The following SMG6 variants were observed in gnomAD, a reference collection of about 807,000 sequenced individuals.
SMG6 encodes the protein telomerase-binding protein EST1A.
Under a neutral mutation model 142.2 loss-of-function variants are expected in SMG6, and 66 were observed. That is an observed-to-expected ratio of 0.46 (90% CI 0.38 to 0.57). The LOEUF is 0.57. Among genes scored for constraint, SMG6 ranks in the 20% least tolerant of loss-of-function variants. SMG6 has a pLI of 0.00. For missense variants in SMG6, 1,793 were observed against 1,832.0 expected (o/e 0.98, Z 0.39); for synonymous variants, 779 against 702.4 (o/e 1.11, Z -1.72).
At chr17:2,259,673 CAAAAAAAAA>C (rs11289865) in intron 8 of SMG6, among the ~76,000 whole-genome samples, 1 of 86,178 alleles carries the variant, frequency 1.2e-5, no homozygotes, top group Non-Finnish European at 2.3e-5. Flanking sequence ...ACCCTGTCTC[CAAAAAAAAA>C]AAAAAAAAAA....
chr17:2,153,515 T>C (rs1401799941), intron 13 of SMG6, among the ~76,000 whole-genome samples: 3 of 152,278 alleles, frequency 2.0e-5, no homozygotes, highest in African/African-American at 7.2e-5. Flanking sequence ...CCGCCCATCT[T>C]GGTTGCTAAG....
chr17:2,232,088 G>GA (rs2073512790), intron 10 of SMG6, among the ~76,000 whole-genome samples: 1 of 150,124 alleles, frequency 6.7e-6, no homozygotes, highest in Non-Finnish European at 1.5e-5. Flanking sequence ...GAGGGGGAGA[G>GA]AAAATGAAGG....
chr17:2,232,332 A>G (rs976684288), intron 10 of SMG6, among the ~76,000 whole-genome samples: 5 of 152,206 alleles, frequency 3.3e-5, no homozygotes, highest in Admixed American at 6.5e-5. Flanking sequence ...CCGAAGTGTT[A>G]AATACGGAGG....
At chr17:2,117,168 C>G (rs1009883112) in intron 13 of SMG6, among the ~76,000 whole-genome samples, 2 of 150,564 alleles carry the variant, frequency 1.3e-5, no homozygotes, top group African/African-American at 4.9e-5. Context: ...GAACATGGCT[C>G]ACTGCAGCCT....
chr17:2,275,408 C>T (rs920191225), intron 8 of SMG6, among the ~76,000 whole-genome samples: 19 of 152,188 alleles, frequency 1.2e-4, no homozygotes, highest in African/African-American at 3.9e-4. Flanking sequence ...GGAGACAGAG[C>T]GAGACTCTGT....
chr17:2,144,366 C>T (rs1368302837), intron 13 of SMG6, among the ~76,000 whole-genome samples: 3 of 151,994 alleles, frequency 2.0e-5, no homozygotes, highest in African/African-American at 7.2e-5. Flanking sequence ...GGCGCCTGGC[C>T]ATTAATTTTT....
intron 13 of SMG6, among the ~76,000 whole-genome samples, chr17:2,123,002 G>T (rs1401719405): frequency 6.6e-6 from 1 of 152,246 alleles, no homozygotes; most frequent in African/African-American, 2.4e-5. Flanking sequence ...CTTCTTCCCT[G>T]CTGGATGATG....
intron 9 of SMG6, chr17:2,237,639 A>T (rs2073701035): frequency 2.4e-6 from 2 of 838,156 alleles, no homozygotes; most frequent in African/African-American, 1.8e-5. Context: ...ATACAGGAAG[A>T]GGCTGTAACG....
intron 13 of SMG6, among the ~76,000 whole-genome samples, chr17:2,099,689 G>A (rs1057155133): frequency 3.3e-5 from 5 of 152,098 alleles, no homozygotes; most frequent in African/African-American, 9.7e-5. Context: ...TAACGAAAAC[G>A]AACTAGCCTA....
intron 6 of SMG6, among the ~76,000 whole-genome samples, chr17:2,285,641 C>T (rs2074888066): frequency 6.6e-6 from 1 of 152,220 alleles, no homozygotes; most frequent in Middle Eastern, 3.4e-3. Flanking sequence ...GAGTTCAGGA[C>T]CAGCCTTGGC....
intron 8 of SMG6, among the ~76,000 whole-genome samples, chr17:2,247,922 T>A (rs1166577916): frequency 6.6e-6 from 1 of 151,678 alleles, no homozygotes; most frequent in Non-Finnish European, 1.5e-5. Context: ...TGAAACCCAG[T>A]ATCTGTTAAA....
At chr17:2,237,538 G>A (rs537353704) in intron 9 of SMG6, 40 of 985,370 alleles carry the variant, frequency 4.1e-5, no homozygotes, top group African/African-American at 2.4e-4. Context: ...GTGTGTTGCC[G>A]TCCTCCTCCC....
chr17:2,297,367 AAAAG>A lies in SMG6; in HGVS notation c.2041-18_2041-15del. ...GAAGTCACTACCCTATAAAAAGAAA[AAAAG>A]AAATGACTGAATCAATCTATTCTAA... On this transcript the variant is annotated splice_polypyrimidine_tract_variant and intron_variant, in intron 3 of 18. Transcript: ENST00000263073. The A allele has an allele frequency of 6.3e-7, 1 of 1,578,400 alleles. No homozygotes were observed. Among genetic ancestry groups the A allele is most frequent in the Non-Finnish European group, 8.6e-7 (1 of 1,160,060 alleles).
chr17:2,205,756 T>C (rs1343573017), intron 10 of SMG6, among the ~76,000 whole-genome samples: 3 of 152,306 alleles, frequency 2.0e-5, no homozygotes, highest in South Asian at 2.1e-4. Flanking sequence ...AGATAGTATA[T>C]GAAAAAAGTG....
chr17:2,244,519 GGAAGA>G lies in SMG6; in HGVS notation c.2723+134_2723+138del, dbSNP rs560639550. ...GAGCACAGTAGGACAGAAGATGAAG[GGAAGA>G]GAAGAGAAGGTGGAGGCCTCTAAGA... On this transcript the variant is annotated intron_variant, in intron 9 of 18. Coordinates refer to ENST00000263073, the MANE Select transcript of SMG6 (RefSeq NM_017575.5). 3,073 of 644,978 alleles carry G rather than the reference GGAAGA, an allele frequency of 4.8e-3. 20 individuals are homozygous for G. The highest frequency in any genetic ancestry group is 0.019 in the Middle Eastern group (49 of 2,624). 40.0% of individuals were successfully genotyped at this position (644,978 alleles called of 1,614,324 possible).
At chr17:2,217,969 C>T (rs1305099425) in intron 10 of SMG6, among the ~76,000 whole-genome samples, 1 of 151,496 alleles carries the variant, frequency 6.6e-6, no homozygotes, top group African/African-American at 2.4e-5. Context: ...GAGATTGTGC[C>T]ACCACACTCC....
intron 8 of SMG6, among the ~76,000 whole-genome samples, chr17:2,279,392 T>A (rs1336682850): frequency 2.6e-5 from 4 of 152,188 alleles, no homozygotes; most frequent in Non-Finnish European, 5.9e-5. Context: ...GTGGACTATG[T>A]CGAGGATTTT....
intron 13 of SMG6, among the ~76,000 whole-genome samples, chr17:2,091,920 G>A (rs1432347376): frequency 1.3e-5 from 2 of 150,694 alleles, no homozygotes; most frequent in Non-Finnish European, 3.0e-5. Context: ...CTGACCTCGT[G>A]ATCCGCCCGC....
intron 13 of SMG6, among the ~76,000 whole-genome samples, chr17:2,126,830 T>C (rs1485017829): frequency 3.3e-5 from 5 of 151,780 alleles, no homozygotes; most frequent in Non-Finnish European, 7.4e-5. Context: ...GGTGGGACGA[T>C]CACTCGAGGC....
Sources: allele counts gnomAD v4.1 joint callset (sites outside exome capture counted in the v4.1 genomes callset), GRCh38; gene constraint gnomAD v4.1.1; transcripts MANE v1.5; gene names NCBI Gene and HGNC (gene_info 2026-07-23, HGNC 2026-07-21).